The following PTCH2 variants were observed in gnomAD, a reference collection of about 807,000 sequenced individuals.
The protein encoded by PTCH2 is protein patched homolog 2.
In PTCH2, 96 loss-of-function variants were observed where a neutral mutation model predicts 117.9. The ratio of observed to expected loss-of-function variants is 0.81; its 90% CI spans 0.69 to 0.96. The LOEUF is 0.96. Ranked by LOEUF, PTCH2 falls within the 50% of genes least tolerant of loss-of-function variation. PTCH2 has a pLI of 0.00. For synonymous variants in PTCH2, 615 were observed against 660.9 expected (o/e 0.93, Z 1.06); for missense variants, 1,379 against 1,562.5 (o/e 0.88, Z 1.98).
downstream of PTCH2, chr1:44,820,446 G>C (rs1402817923): frequency 1.5e-6 from 1 of 680,658 alleles, no homozygotes; most frequent in South Asian, 1.5e-5. Context: ...AAACAGACGG[G>C]CACAGACACT....
chr1:44,832,113 G>C, intron 3 of PTCH2, 39 bp downstream of exon 3: 1 of 1,613,304 alleles, frequency 6.2e-7, no homozygotes, highest in Non-Finnish European at 8.5e-7. Context: ...CCCACAGCAC[G>C]CCTCGCCCCC....
rs530841790 is a variant in PTCH2 at position 44,829,709 on chromosome 1, C to T, written c.988G>A (p.Glu330Lys). The change falls in exon 8 of 22, where the codon GAG (glutamate) becomes AAG (lysine). Residue 330 changes from glutamate to lysine, a missense_variant. Glu to Lys is a moderately conservative substitution (Grantham distance 56, BLOSUM62 1). Transcript: ENST00000372192. Reference protein sequence around the residue: ...FLLMSPRQLYEHFRGDYQTHD... With the variant: ...FLLMSPRQLYKHFRGDYQTHD... Reference sequence around the variant, plus strand: ...GTCTGATAGTCACCCCGGAAATGCTCGTACAGCTGGCGGGGACTCATCAGC... The same window carrying T: ...GTCTGATAGTCACCCCGGAAATGCTTGTACAGCTGGCGGGGACTCATCAGC... 9 of 1,614,212 alleles carry T rather than the reference C, an allele frequency of 5.6e-6. No individual in the cohort carries two copies. In the African/African-American group the frequency reaches 6.7e-5, roughly 12 times the overall value.
intron 2 of PTCH2, 67 bp from the exon 3 acceptor site, chr1:44,832,408 C>T: frequency 6.5e-7 from 1 of 1,546,732 alleles, no homozygotes; most frequent in Non-Finnish European, 8.9e-7. Context: ...GGGAAGGGGG[C>T]TTCTAACTCT....
rs139067099 is a variant in PTCH2 at position 44,841,855 on chromosome 1, C to A, written c.257G>T (p.Trp86Leu). ...AIIETNLEQLWVEVGSRVSQE... is the reference protein window; with the variant it reads ...AIIETNLEQLLVEVGSRVSQE... ...CAGTGTCCACAACTTACCTTCTACC[C>A]AGAGCTGTTCCAAGTTTGTCTCAAT... Residue 86 changes from tryptophan (W) to leucine (L), a missense_variant, in exon 2 of 22, where the codon TGG becomes TTG. Transcript: ENST00000372192. 2 of 1,614,040 alleles carry A rather than the reference C, an allele frequency of 1.2e-6. No individual in the cohort carries two copies. Among genetic ancestry groups the A allele is most frequent in the African/African-American group, 2.7e-5 (2 of 74,930 alleles).
rs1654027080 is a variant in PTCH2 at position 44,843,141 on chromosome 1, G to A, written c.-209C>T. ...GCTGCGGGTCCGGGGCGCGGCGCCG[G>A]GATTCACCCGCTCCGTGGGCCGTGG... is the stretch of plus-strand genomic sequence containing the variant. On this transcript the variant is annotated 5_prime_UTR_variant, in exon 1 of 22. Coordinates refer to ENST00000372192, the MANE Select transcript of PTCH2 (RefSeq NM_003738.5). 7.7e-7 allele frequency: 1 copy of A among 1,306,028 alleles called. No individual in the cohort carries two copies. The highest frequency in any genetic ancestry group is 1.5e-5 in the African/African-American group (1 of 64,608). 80.9% of individuals were successfully genotyped at this position (1,306,028 alleles called of 1,614,324 possible).
At chr1:44,827,791 C>T (rs1417164719) in intron 14 of PTCH2, 52 bp downstream of exon 14, 11 of 1,612,466 alleles carry the variant, frequency 6.8e-6, no homozygotes, top group Non-Finnish European at 8.5e-6. Flanking sequence ...GCCCTCTCTG[C>T]CCTTCTGGGC....
intron 1 of PTCH2, among the ~76,000 whole-genome samples, chr1:44,842,271 CTCCTT>C (rs1195223664): frequency 2.2e-4 from 31 of 138,584 alleles, no homozygotes; most frequent in African/African-American, 6.9e-4. Context: ...TTTGTTTTCT[CTCCTT>C]TTTTTTTTTT....
chr1:44,819,990 C>G (rs560397178), downstream of PTCH2: 6 of 155,798 alleles, frequency 3.9e-5, no homozygotes, highest in Non-Finnish European at 8.6e-5. Flanking sequence ...GAAGAGAAAC[C>G]CGAGTATATT....
intron 2 of PTCH2, among the ~76,000 whole-genome samples, chr1:44,836,435 C>T (rs1653689648): frequency 1.3e-5 from 2 of 152,088 alleles, no homozygotes; most frequent in Non-Finnish European, 1.5e-5. Flanking sequence ...GCCGGCCAGG[C>T]GCGATGGCTC....
Position 44,843,119 on chromosome 1 carries a change from G to A in PTCH2, c.-187C>T. 7.5e-7 allele frequency: 1 copy of A among 1,330,236 alleles called. No individual in the cohort carries two copies. The highest frequency in any genetic ancestry group is 9.6e-7 in the Non-Finnish European group (1 of 1,042,974). The allele number at this position is 1,330,236 out of a possible 1,614,324, so 82.4% of individuals were successfully genotyped here. A position where few individuals can be genotyped will look rare whatever the true frequency, so the allele number is the denominator to read the frequency against. On this transcript the variant is annotated 5_prime_UTR_variant, in exon 1 of 22. Coordinates refer to ENST00000372192, the MANE Select transcript of PTCH2 (RefSeq NM_003738.5). ...CTGGGAGGGAGGAGTGCAGGGAGCT[G>A]CGGGTCCGGGGCGCGGCGCCGGGAT...
Position 44,828,022 on chromosome 1 carries a change from G to T in PTCH2, c.1879C>A (p.Pro627Thr). 6.2e-7 allele frequency: 1 copy of T among 1,614,248 alleles called. No homozygotes were observed. The highest frequency in any genetic ancestry group is 8.5e-7 in the Non-Finnish European group (1 of 1,180,048). The change falls in exon 14 of 22, where the codon CCT (proline) becomes ACT (threonine). Residue 627 changes from proline (P) to threonine (T), a missense_variant. Transcript: ENST00000372192. ...LPPQAHLVPP[P>T]SDPLGSELFS... ...AGCTCAGAGCCCAGTGGGTCAGAAG[G>T]TGGGGGCACCAGGTGGGCTTGGGGA...
Position 44,843,100 on chromosome 1 carries a change from G to A in PTCH2, c.-168C>T, listed in dbSNP as rs377610519. On this transcript the variant is annotated 5_prime_UTR_variant, in exon 1 of 22. Coordinates refer to ENST00000372192, the MANE Select transcript of PTCH2 (RefSeq NM_003738.5). ...GGTGTGGGTGTTAAAGCGGCTGGGA[G>A]GGAGGAGTGCAGGGAGCTGCGGGTC... is the stretch of plus-strand genomic sequence containing the variant. The A allele has an allele frequency of 1.2e-5, 16 of 1,390,848 alleles. No homozygotes were observed. Among genetic ancestry groups the A allele is most frequent in the African/African-American group, 5.9e-5 (4 of 67,682 alleles). 86.2% of individuals were successfully genotyped at this position (1,390,848 alleles called of 1,614,324 possible).
At chr1:44,839,890 G>C (rs1653864624) in intron 2 of PTCH2, among the ~76,000 whole-genome samples, 1 of 152,074 alleles carries the variant, frequency 6.6e-6, no homozygotes, top group South Asian at 2.1e-4. Context: ...CAAGCTCTGA[G>C]AAACATCTGC....
intron 19 of PTCH2, among the ~76,000 whole-genome samples, chr1:44,825,171 C>T (rs1241551925): frequency 2.6e-5 from 4 of 151,894 alleles, no homozygotes; most frequent in Admixed American, 6.6e-5. Flanking sequence ...GAGTTTTGCT[C>T]GGTCTCCCAG....
rs577815073 is a variant in PTCH2 at position 44,825,608 on chromosome 1, C to T, written c.3114+642G>A. On this transcript the variant is annotated intron_variant, in intron 19 of 21. Transcript: ENST00000372192. ...GTGATGTGATCTCAGCTCACTGTAA[C>T]CTCCGCCTCCTGGGTTCAAGTAATT... is the stretch of plus-strand genomic sequence containing the variant. Among the ~76,000 whole-genome samples the T allele has an allele frequency of 5.3e-5, 8 of 152,196 alleles. No homozygotes were observed. The South Asian group carries it at 1.7e-3, about 32-fold the overall frequency.
At position 44,831,810 on chromosome 1, in the gene PTCH2, C is replaced by T; in HGVS notation, c.526-13G>A. On this transcript the variant is annotated splice_polypyrimidine_tract_variant and intron_variant, in intron 4 of 21. Coordinates refer to ENST00000372192, the MANE Select transcript of PTCH2 (RefSeq NM_003738.5). This position sits in a 1 kb window ranked among gnomAD's most constrained non-coding sequence, Gnocchi z 4.3. ...GCTTCTCAATCATCTGCCAGGGATA[C>T]CCCGGGCCACGTCAGTCCTGCCCCA... 1.2e-6 allele frequency: 2 copies of T among 1,609,920 alleles called. No homozygotes were observed. Among genetic ancestry groups the T allele is most frequent in the African/African-American group, 1.3e-5 (1 of 74,874 alleles).
intron 2 of PTCH2, among the ~76,000 whole-genome samples, chr1:44,833,438 CTTTT>C (rs779956039): frequency 7.3e-6 from 1 of 136,444 alleles, no homozygotes. Flanking sequence ...ATCTCTTTTC[CTTTT>C]TTTTTTTTTT....
intron 6 of PTCH2, 69 bp from the exon 7 acceptor site, chr1:44,830,099 C>T (rs958938041): frequency 1.3e-5 from 20 of 1,591,684 alleles, no homozygotes; most frequent in Non-Finnish European, 1.6e-5. Context: ...CCTGGGCTTC[C>T]ACCTCCAGGA....
intron 2 of PTCH2, among the ~76,000 whole-genome samples, chr1:44,838,762 C>T (rs922013648): frequency 3.3e-5 from 5 of 151,624 alleles, no homozygotes; most frequent in African/African-American, 1.2e-4. Flanking sequence ...GCTCTGTCGC[C>T]AGGCTAGAGT....
Sources: gnomAD v4.1 joint callset for allele counts (sites outside exome capture counted in the v4.1 genomes callset) on GRCh38, gnomAD v4.1.1 for gene constraint, Gnocchi (gnomAD v3.1) non-coding constraint, MANE v1.5 for transcripts, NCBI Gene and HGNC (gene_info 2026-07-23, HGNC 2026-07-21) for gene names.